NR3C1: variants seen among roughly 807,000 people sequenced by gnomAD.
NR3C1 encodes glucocorticoid receptor.
In NR3C1, 14 loss-of-function variants were observed where a neutral mutation model predicts 74.0. The ratio of observed to expected loss-of-function variants is 0.19; its 90% CI spans 0.12 to 0.30. The LOEUF is 0.30. NR3C1 is among the 10% of genes least tolerant of loss of function. The probability of loss-of-function intolerance (pLI) is 1.00; values close to 1 mark genes in which losing one functional copy is unlikely to be tolerated. For synonymous variants in NR3C1, 308 were observed against 332.5 expected (o/e 0.93, Z 0.80); for missense variants, 695 against 909.8 (o/e 0.76, Z 3.04).
At chr5:143,306,621 TAAC>T (rs562721925) in intron 4 of NR3C1, among the ~76,000 whole-genome samples, 86 of 152,192 alleles carry the variant, frequency 5.7e-4, no homozygotes, top group African/African-American at 1.5e-3. Flanking sequence ...TAGTAGGAAA[TAAC>T]AAATCAGAAT....
Position 143,400,674 on chromosome 5 carries a change from A to G in NR3C1, c.166T>C (p.Ser56Pro), listed in dbSNP as rs770422985. 2 of 1,614,030 alleles carry G rather than the reference A, an allele frequency of 1.2e-6. No homozygotes were observed. The highest frequency in any genetic ancestry group is 8.5e-7 in the Non-Finnish European group (1 of 1,179,872). Reference protein sequence around the residue: ...PSLAVASQSDSKQRRLLVDFP... With the variant: ...PSLAVASQSDPKQRRLLVDFP... ...TCAACCAAAAGTCTTCGCTGCTTGG[A>G]GTCTGATTGAGAAGCGACAGCCAGT... is the stretch of plus-strand genomic sequence containing the variant. The change falls in exon 2 of 9, where the codon TCC becomes CCC. Residue 56 changes from serine to proline, a missense_variant. Ser to Pro is a moderately conservative substitution (Grantham distance 74). This residue lies in a region of NR3C1 where 497 missense variants were observed against 489.5 expected (regional missense o/e 1.02). Transcript: ENST00000394464.
At chr5:143,291,676 T>G (rs1815988932) in intron 7 of NR3C1, among the ~76,000 whole-genome samples, 1 of 152,226 alleles carries the variant, frequency 6.6e-6, no homozygotes, top group South Asian at 2.1e-4. Context: ...ATGTTTATAT[T>G]GCATTTGAGT....
intron 2 of NR3C1, among the ~76,000 whole-genome samples, chr5:143,340,842 A>C (rs1374458428): frequency 6.6e-6 from 1 of 152,138 alleles, no homozygotes; most frequent in Non-Finnish European, 1.5e-5. Flanking sequence ...TTAAACTTTT[A>C]GGCTTGGGGA....
intron 3 of NR3C1, among the ~76,000 whole-genome samples, chr5:143,311,750 C>T (rs955201084): frequency 2.7e-5 from 4 of 149,876 alleles, no homozygotes; most frequent in Admixed American, 2.7e-4. Flanking sequence ...CTTTAGCTTC[C>T]TGAGTAGCTG....
Position 143,378,327 on chromosome 5 carries a change from C to T in NR3C1, c.1184+21329G>A, listed in dbSNP as rs10038464. Among the ~76,000 whole-genome samples the T allele has an allele frequency of 4.4e-3, 668 of 152,226 alleles. 2 individuals carry two copies. Among genetic ancestry groups the T allele is most frequent in the African/African-American group, 0.015 (636 of 41,528 alleles). On this transcript the variant is annotated intron_variant, in intron 2 of 8. Coordinates refer to ENST00000394464, the MANE Select transcript of NR3C1 (RefSeq NM_000176.3). Reference sequence around the variant, plus strand: ...GAAGACTGCAATCCATAAAGGCTGGCAGTTCAACTTAAAAACAAAAAAAAC... The same window carrying T: ...GAAGACTGCAATCCATAAAGGCTGGTAGTTCAACTTAAAAACAAAAAAAAC...
At chr5:143,420,904 A>C (rs1751197266) in intron 1 of NR3C1, among the ~76,000 whole-genome samples, 1 of 152,194 alleles carries the variant, frequency 6.6e-6, no homozygotes, top group South Asian at 2.1e-4. Flanking sequence ...CTTTGAAAAC[A>C]AAGTCCTTCA....
chr5:143,291,802 T>TA (rs1217183830), intron 7 of NR3C1, among the ~76,000 whole-genome samples: 4 of 152,204 alleles, frequency 2.6e-5, no homozygotes, highest in African/African-American at 9.7e-5. Flanking sequence ...CAGCATTCCT[T>TA]AGCATTTATT....
At position 143,361,727 on chromosome 5, in the gene NR3C1, C is replaced by G. The variant is rs542942615; in HGVS notation, c.1184+37929G>C. Among the ~76,000 whole-genome samples, 3 of 152,128 alleles carry G rather than the reference C, an allele frequency of 2.0e-5. No individual in the cohort carries two copies. In the South Asian group the frequency reaches 6.2e-4, roughly 31 times the overall value. ...CTGTAAGAAATTCCTAGATGTCCCA[C>G]GAATAACAGTTTGATGGAGGGGGCA... On this transcript the variant is annotated intron_variant, in intron 2 of 8. Coordinates refer to ENST00000394464, the MANE Select transcript of NR3C1 (RefSeq NM_000176.3).
chr5:143,333,188 A>G, intron 2 of NR3C1: 2 of 1,569,272 alleles, frequency 1.3e-6, no homozygotes, highest in Non-Finnish European at 1.7e-6. Context: ...AGATGGGCAC[A>G]CCTGGCTATC....
chr5:143,421,807 T>A (rs1477336219), intron 1 of NR3C1, among the ~76,000 whole-genome samples: 2 of 151,908 alleles, frequency 1.3e-5, no homozygotes, highest in South Asian at 4.2e-4. Context: ...AAAAAGGACA[T>A]AGCCTGGCAC....
chr5:143,348,915 T>C (rs776796765), intron 2 of NR3C1, among the ~76,000 whole-genome samples: 5 of 152,232 alleles, frequency 3.3e-5, no homozygotes, highest in Non-Finnish European at 7.3e-5. Flanking sequence ...ATGCTCCTTG[T>C]ATTATTGACA....
chr5:143,416,241 C>T (rs553260105), intron 1 of NR3C1, among the ~76,000 whole-genome samples: 3 of 152,214 alleles, frequency 2.0e-5, no homozygotes, highest in South Asian at 2.1e-4. Flanking sequence ...TTGGTCCATG[C>T]GCTTATGGTG....
At chr5:143,326,440 T>C (rs1319507059) in intron 2 of NR3C1, among the ~76,000 whole-genome samples, 2 of 152,256 alleles carry the variant, frequency 1.3e-5, no homozygotes. Flanking sequence ...ATACTTACTA[T>C]ATTAAGTCTT....
chr5:143,278,655 G>A lies in NR3C1; in HGVS notation c.*3234C>T, dbSNP rs1283421003. 6.6e-6 allele frequency: 1 copy of A among 152,114 alleles called. No individual in the cohort carries two copies. The highest frequency in any genetic ancestry group is 6.6e-5 in the Admixed American group (1 of 15,264). 9.4% of individuals were successfully genotyped at this position (152,114 alleles called of 1,614,324 possible). A position where few individuals can be genotyped will look rare whatever the true frequency, so the allele number is the denominator to read the frequency against. On this transcript the variant is annotated 3_prime_UTR_variant, in exon 9 of 9. Transcript: ENST00000394464. ...CAGCCAAGATGGAAATCTCACTGAA[G>A]GCTACCATGGTTCTGGAAGTTTGAC...
chr5:143,336,497 T>C (rs1014695923), intron 2 of NR3C1, among the ~76,000 whole-genome samples: 55 of 152,100 alleles, frequency 3.6e-4, no homozygotes, highest in East Asian at 3.1e-3. Context: ...ACCTAATTAT[T>C]ATGAAAAAAA....
At chr5:143,337,030 T>C (rs1827276534) in intron 2 of NR3C1, among the ~76,000 whole-genome samples, 1 of 152,006 alleles carries the variant, frequency 6.6e-6, no homozygotes, top group South Asian at 2.1e-4. Flanking sequence ...CGCACATGTG[T>C]GCGCACACAC....
At chr5:143,392,251 C>T (rs2151918190) in intron 2 of NR3C1, among the ~76,000 whole-genome samples, 1 of 152,310 alleles carries the variant, frequency 6.6e-6, no homozygotes, top group South Asian at 2.1e-4. Context: ...AGGCGTGAGC[C>T]ACCGCGCCTG....
At chr5:143,404,870 C>T (rs925394297), upstream of NR3C1, among the ~76,000 whole-genome samples, 1 of 152,178 alleles carries the variant, frequency 6.6e-6, no homozygotes, top group African/African-American at 2.4e-5. Flanking sequence ...TTGCTGCCCT[C>T]GACTCTGTGC....
chr5:143,399,163 CTT>C (rs1839784302), intron 2 of NR3C1, among the ~76,000 whole-genome samples: 1 of 152,184 alleles, frequency 6.6e-6, no homozygotes, highest in Non-Finnish European at 1.5e-5. Flanking sequence ...GAATAGGGCT[CTT>C]TGTTAGTACT....
Sources: gnomAD v4.1 joint callset for allele counts (sites outside exome capture counted in the v4.1 genomes callset) on GRCh38, gnomAD v4.1.1 for gene constraint, gnomAD v4.1.1 regional missense constraint, MANE v1.5 for transcripts, NCBI Gene and HGNC (gene_info 2026-07-23, HGNC 2026-07-21) for gene names.